RGS8: variants seen among roughly 807,000 people sequenced by gnomAD.
RGS8 encodes regulator of G protein signaling 8, also known as regulator of G-protein signaling 8.
In RGS8, 8 loss-of-function variants were observed where a neutral mutation model predicts 21.7. That is an observed-to-expected ratio of 0.37 (90% CI 0.22 to 0.66). RGS8 has a LOEUF of 0.66. RGS8 is among the 30% of genes least tolerant of loss of function. The pLI, the probability that RGS8 is intolerant of heterozygous loss-of-function variation, is 0.59. For missense variants in RGS8, 157 were observed against 217.9 expected (o/e 0.72, Z 1.76); for synonymous variants, 80 against 83.6 (o/e 0.96, Z 0.24).
chr1:182,658,976 A>T (rs935461396), intron 5 of RGS8, among the ~76,000 whole-genome samples: 5 of 152,248 alleles, frequency 3.3e-5, no homozygotes, highest in African/African-American at 1.2e-4. Flanking sequence ...CAGTAGTGTG[A>T]TTAACGTAAT....
the RGS8 span, among the ~76,000 whole-genome samples, chr1:182,729,729 A>G: frequency 6.6e-6 from 1 of 152,248 alleles, no homozygotes; most frequent in Non-Finnish European, 1.5e-5. Flanking sequence ...CTATGAAATA[A>G]TAGGTAATTA....
chr1:182,643,050 C>T (rs570340782), downstream of RGS8: 17 of 152,394 alleles, frequency 1.1e-4, no homozygotes, highest in Admixed American at 9.8e-4. Context: ...AGGAGACAAG[C>T]TTGGAGGAGA....
chr1:182,648,327 G>T, intron 5 of RGS8, 24 bp from the exon 7 acceptor site: 2 of 1,608,906 alleles, frequency 1.2e-6, no homozygotes, highest in Non-Finnish European at 1.7e-6. Flanking sequence ...AGGAAGAAAA[G>T]AAGAGAGATA....
upstream of RGS8, chr1:182,672,929 T>A: frequency 7.4e-7 from 1 of 1,349,952 alleles, no homozygotes; most frequent in Non-Finnish European, 1.1e-6. Flanking sequence ...AGTGTCAGCA[T>A]CACCTGAGAA....
chr1:182,675,707 T>C (rs1664334214), upstream of RGS8, among the ~76,000 whole-genome samples: 2 of 151,954 alleles, frequency 1.3e-5, no homozygotes, highest in Non-Finnish European at 2.9e-5. Context: ...AGCTAAAAAT[T>C]CTCCTTTCCA....
chr1:182,694,109 C>A, the RGS8 span, among the ~76,000 whole-genome samples: 7 of 151,580 alleles, frequency 4.6e-5, no homozygotes, highest in African/African-American at 1.5e-4. Flanking sequence ...TTCGCATGTA[C>A]CCCTGAACCT....
At chr1:182,732,303 C>CA in the RGS8 span, among the ~76,000 whole-genome samples, 716 of 95,776 alleles carry the variant, frequency 7.5e-3, 3 homozygotes, top group African/African-American at 0.031. Flanking sequence ...ACACACACAC[C>CA]CACTGTAGCA....
chr1:182,698,911 T>C, the RGS8 span, among the ~76,000 whole-genome samples: 19 of 152,280 alleles, frequency 1.2e-4, no homozygotes, highest in Admixed American at 7.8e-4. Context: ...TGTGCACACA[T>C]GTCTCCGTAA....
chr1:182,698,794 G>A, the RGS8 span, among the ~76,000 whole-genome samples: 1,254 of 152,296 alleles, frequency 8.2e-3, 14 homozygotes, highest in African/African-American at 0.026. Context: ...CTAGAGTCAG[G>A]TGCTTATCAT....
upstream of RGS8, chr1:182,672,893 T>C: frequency 1.9e-6 from 3 of 1,601,318 alleles, no homozygotes; most frequent in Non-Finnish European, 2.6e-6. Context: ...GTGTAGTGGT[T>C]CTCCAAGCGT....
At chr1:182,661,073 T>C (rs1266605254) in intron 5 of RGS8, among the ~76,000 whole-genome samples, 1 of 151,650 alleles carries the variant, frequency 6.6e-6, no homozygotes, top group African/African-American at 2.4e-5. Flanking sequence ...TTGATAATTT[T>C]AATGTTTGTT....
At chr1:182,686,592 T>A (rs1460932168), upstream of RGS8, among the ~76,000 whole-genome samples, 2 of 152,122 alleles carry the variant, frequency 1.3e-5, no homozygotes, top group African/African-American at 4.8e-5. Context: ...TGAGAACTAG[T>A]TCTTAAGGCT....
chr1:182,697,139 A>G, the RGS8 span, among the ~76,000 whole-genome samples: 1 of 152,262 alleles, frequency 6.6e-6, no homozygotes, highest in African/African-American at 2.4e-5. Context: ...CCCAGATTCA[A>G]GAGGCAGAGA....
the RGS8 span, among the ~76,000 whole-genome samples, chr1:182,700,564 C>T: frequency 2.0e-5 from 3 of 152,216 alleles, no homozygotes; most frequent in African/African-American, 4.8e-5. Context: ...GCAGAAGACA[C>T]AGGGTGCATC....
At chr1:182,687,079 G>A (rs148871992), upstream of RGS8, among the ~76,000 whole-genome samples, 266 of 152,088 alleles carry the variant, frequency 1.7e-3, no homozygotes, top group Middle Eastern at 6.8e-3. Context: ...AGTGCAGTGC[G>A]TCTCAGACTT....
At chr1:182,681,282 C>G (rs571293748) in intron 1 of RGS8, among the ~76,000 whole-genome samples, 7 of 152,138 alleles carry the variant, frequency 4.6e-5, no homozygotes, top group Non-Finnish European at 1.0e-4. Context: ...ATGTGGCTTT[C>G]CCTCCTATCG....
the RGS8 span, among the ~76,000 whole-genome samples, chr1:182,731,089 C>T: frequency 5.3e-5 from 8 of 152,168 alleles, no homozygotes; most frequent in African/African-American, 1.9e-4. Context: ...CTATAACTTG[C>T]CCCTAAAAAC....
chr1:182,685,366 G>A (rs1470966197), upstream of RGS8, among the ~76,000 whole-genome samples: 2 of 152,232 alleles, frequency 1.3e-5, no homozygotes, highest in Non-Finnish European at 1.5e-5. Context: ...GGAGTGGAGA[G>A]GTGACCCTTC....
At chr1:182,718,919 C>T in the RGS8 span, among the ~76,000 whole-genome samples, 1 of 152,118 alleles carries the variant, frequency 6.6e-6, no homozygotes, top group Non-Finnish European at 1.5e-5. Flanking sequence ...GTAATAGCGT[C>T]GGATGGAAAT....
Sources: allele counts gnomAD v4.1 joint callset (sites outside exome capture counted in the v4.1 genomes callset), GRCh38; gene constraint gnomAD v4.1.1; transcripts MANE v1.5; gene names NCBI Gene and HGNC (gene_info 2026-07-23, HGNC 2026-07-21).